Variants in FAM241A observed in about 807,000 individuals in gnomAD.
FAM241A encodes family with sequence similarity 241 member A.
FAM241A carries 7 observed loss-of-function variants against 12.2 expected under a neutral mutation model. The ratio of observed to expected loss-of-function variants is 0.58; its 90% CI spans 0.33 to 1.08. The LOEUF (loss-of-function observed/expected upper bound fraction) is 1.08, where lower values mean the gene tolerates loss of function less well. Ranked by LOEUF, FAM241A falls within the 50% of genes least tolerant of loss-of-function variation. The pLI is 0.04. For missense variants in FAM241A, 161 were observed against 169.7 expected (o/e 0.95, Z 0.29); for synonymous variants, 74 against 68.2 (o/e 1.08, Z -0.42).
chr4:112,167,660 G>A (rs1172482293), intron 1 of FAM241A, among the ~76,000 whole-genome samples: 4 of 152,162 alleles, frequency 2.6e-5, no homozygotes, highest in African/African-American at 9.7e-5. Context: ...AAGGGATAGT[G>A]CAGCAGTGTT....
In FAM241A at chr4:112,181,025, A is replaced by C. The variant is rs1723932564; in HGVS notation, c.154-5668A>C. Among the ~76,000 whole-genome samples the C allele has an allele frequency of 2.0e-5, 3 of 152,204 alleles. No individual in the cohort carries two copies. In the South Asian group the frequency reaches 6.2e-4, roughly 31 times the overall value. On this transcript the variant is annotated intron_variant, in intron 1 of 1. Transcript: ENST00000309733. Reference sequence around the variant, plus strand: ...AAGTTGACCCAGAAGAGCTAGGAATAATTTTTTCAAAAGACATGCAAAAGT... The same window carrying C: ...AAGTTGACCCAGAAGAGCTAGGAATCATTTTTTCAAAAGACATGCAAAAGT...
intron 1 of FAM241A, among the ~76,000 whole-genome samples, chr4:112,159,985 A>G (rs981116635): frequency 1.3e-5 from 2 of 152,250 alleles, no homozygotes; most frequent in Non-Finnish European, 1.5e-5. Flanking sequence ...AAGAATTCAA[A>G]TTATGCTTGT....
chr4:112,165,584 T>G (rs1239640895), intron 1 of FAM241A, among the ~76,000 whole-genome samples: 1 of 152,030 alleles, frequency 6.6e-6, no homozygotes, highest in Non-Finnish European at 1.5e-5. Flanking sequence ...TTAAAAAGAG[T>G]GAGGTCCTGT....
At chr4:112,163,340 A>G (rs1723517868) in intron 1 of FAM241A, among the ~76,000 whole-genome samples, 1 of 152,246 alleles carries the variant, frequency 6.6e-6, no homozygotes, top group Non-Finnish European at 1.5e-5. Flanking sequence ...GCTTCTGCAC[A>G]GCAAAAGAAA....
chr4:112,145,472 A>AGCGGCGGGT lies in FAM241A; in HGVS notation c.-101_-93dup. The AGCGGCGGGT allele has an allele frequency of 1.8e-6, 2 of 1,097,634 alleles. No individual in the cohort carries two copies. Among genetic ancestry groups the AGCGGCGGGT allele is most frequent in the Non-Finnish European group, 2.3e-6 (2 of 877,760 alleles). 68.0% of individuals were successfully genotyped at this position (1,097,634 alleles called of 1,614,324 possible). Reference sequence around the variant, plus strand: ...GGGGCGCGCTCCGGCGGCTCCTGTCAGCGGCGGGTGCGGCGGATCCCAGGG... The same window carrying AGCGGCGGGT: ...GGGGCGCGCTCCGGCGGCTCCTGTCAGCGGCGGGTGCGGCGGGTGCGGCGGATCCCAGGG... On this transcript the variant is annotated 5_prime_UTR_variant, in exon 1 of 2. Transcript: ENST00000309733.
chr4:112,162,829 C>CA (rs937982210), intron 1 of FAM241A, among the ~76,000 whole-genome samples: 24 of 151,950 alleles, frequency 1.6e-4, no homozygotes, highest in Non-Finnish European at 2.2e-4. Flanking sequence ...CATATGGAAC[C>CA]AAAAAAAGAG....
chr4:112,165,860 T>C (rs1373372036), intron 1 of FAM241A, among the ~76,000 whole-genome samples: 2 of 152,168 alleles, frequency 1.3e-5, no homozygotes, highest in Non-Finnish European at 2.9e-5. Flanking sequence ...ACAGAGTGAT[T>C]GTTGTCAAAA....
intron 1 of FAM241A, among the ~76,000 whole-genome samples, chr4:112,149,123 A>C (rs956768511): frequency 1.3e-5 from 2 of 152,010 alleles, no homozygotes; most frequent in Non-Finnish European, 2.9e-5. Context: ...ATCAAATATG[A>C]AACTTGGTAT....
intron 1 of FAM241A, among the ~76,000 whole-genome samples, chr4:112,167,732 GTTA>G (rs1163179942): frequency 1.3e-5 from 2 of 152,108 alleles, no homozygotes; most frequent in Non-Finnish European, 2.9e-5. Context: ...GGGAACATGG[GTTA>G]TTATTTTGTA....
chr4:112,157,194 A>G (rs1723370904), intron 1 of FAM241A, among the ~76,000 whole-genome samples: 1 of 152,198 alleles, frequency 6.6e-6, no homozygotes, highest in South Asian at 2.1e-4. Flanking sequence ...CAAAGAACTA[A>G]AAGTATTTAT....
At chr4:112,149,314 A>G (rs1277371401) in intron 1 of FAM241A, among the ~76,000 whole-genome samples, 2 of 152,030 alleles carry the variant, frequency 1.3e-5, no homozygotes, top group Non-Finnish European at 2.9e-5. Flanking sequence ...CCACACATGT[A>G]TTTTTAATAT....
chr4:112,161,775 T>C (rs922303915), intron 1 of FAM241A, among the ~76,000 whole-genome samples: 1 of 152,072 alleles, frequency 6.6e-6, no homozygotes, highest in Non-Finnish European at 1.5e-5. Context: ...TTCCAATCAA[T>C]AGAAAAAGAA....
In FAM241A at chr4:112,186,890, T is replaced by G; in HGVS notation, c.351T>G (p.Leu117=). 2.5e-6 allele frequency: 4 copies of G among 1,614,112 alleles called. No homozygotes were observed. The South Asian group carries it at 4.4e-5, about 18-fold the overall frequency. Reference sequence around the variant, plus strand: ...TGTGGTTCCTTGGCCTGCAAGCCCTTGGACTAGTTGCTGTTCTTTGCCTTG... The same window carrying G: ...TGTGGTTCCTTGGCCTGCAAGCCCTGGGACTAGTTGCTGTTCTTTGCCTTG... ...VMLWFLGLQA[L]GLVAVLCLVI... is the part of the protein sequence containing the mutation. The change falls in exon 2 of 2, where the codon CTT becomes CTG. Residue 117 remains leucine, a synonymous_variant. Coordinates refer to ENST00000309733, the MANE Select transcript of FAM241A (RefSeq NM_152400.3).
At chr4:112,162,902 T>A (rs1176287194) in intron 1 of FAM241A, among the ~76,000 whole-genome samples, 3 of 152,186 alleles carry the variant, frequency 2.0e-5, no homozygotes, top group Non-Finnish European at 4.4e-5. Flanking sequence ...ACTACCTGAC[T>A]TCAAACTGTA....
rs1578381134 is a variant in FAM241A at position 112,186,758 on chromosome 4, A to G, written c.219A>G (p.Thr73=). 1.9e-6 allele frequency: 3 copies of G among 1,613,902 alleles called. No homozygotes were observed. Among genetic ancestry groups the G allele is most frequent in the Admixed American group, 1.7e-5 (1 of 59,988 alleles). The change falls in exon 2 of 2, where the codon ACA becomes ACG. Residue 73 remains threonine, a synonymous_variant. Coordinates refer to ENST00000309733, the MANE Select transcript of FAM241A (RefSeq NM_152400.3). ...PVGDDYKKMG[T]LFGELNKNLI... ...GAGATGACTACAAGAAAATGGGAAC[A>G]CTTTTTGGTGAACTGAACAAAAACC...
intron 1 of FAM241A, among the ~76,000 whole-genome samples, chr4:112,182,049 T>C (rs1004100785): frequency 6.6e-6 from 1 of 152,170 alleles, no homozygotes; most frequent in Non-Finnish European, 1.5e-5. Flanking sequence ...GATGGAATAG[T>C]ATATACACTT....
chr4:112,183,637 CAAA>C (rs548921668), intron 1 of FAM241A, among the ~76,000 whole-genome samples: 158 of 145,610 alleles, frequency 1.1e-3, no homozygotes, highest in African/African-American at 3.7e-3. Flanking sequence ...TCAGTAACAA[CAAA>C]AAAAACCCCA....
intron 1 of FAM241A, among the ~76,000 whole-genome samples, chr4:112,166,954 A>C (rs113688945): frequency 0.16 from 13,216 of 80,608 alleles, 963 homozygotes; most frequent in East Asian, 0.29. Context: ...CTCTACTAAA[A>C]ATACAAAAAA....
chr4:112,156,501 T>C (rs760810766), intron 1 of FAM241A, among the ~76,000 whole-genome samples: 1 of 152,190 alleles, frequency 6.6e-6, no homozygotes, highest in Non-Finnish European at 1.5e-5. Flanking sequence ...ATAATCCCCA[T>C]GAGGACAGAG....
Sources: allele counts gnomAD v4.1 joint callset (sites outside exome capture counted in the v4.1 genomes callset), GRCh38; gene constraint gnomAD v4.1.1; transcripts MANE v1.5; gene names NCBI Gene and HGNC (gene_info 2026-07-23, HGNC 2026-07-21).